The following LRP1B variants were observed in gnomAD, a reference collection of about 807,000 sequenced individuals.
The protein encoded by LRP1B is LDL receptor related protein 1B, also known as low-density lipoprotein receptor-related protein 1B.
A neutral mutation model predicts 556.6 loss-of-function variants in LRP1B; 217 were observed. The ratio of observed to expected loss-of-function variants is 0.39; its 90% CI spans 0.35 to 0.44. The LOEUF is 0.44. Ranked by LOEUF, LRP1B falls within the 20% of genes least tolerant of loss-of-function variation. The pLI is 1.00. For synonymous variants in LRP1B, 2,047 were observed against 1,865.8 expected (o/e 1.10, Z -2.50); for missense variants, 5,053 against 5,620.8 (o/e 0.90, Z 3.23).
At chr2:141,455,365 G>A (rs1484059617) in intron 3 of LRP1B, among the ~76,000 whole-genome samples, 1 of 152,096 alleles carries the variant, frequency 6.6e-6, no homozygotes, top group Non-Finnish European at 1.5e-5. Context: ...ATCACACCCA[G>A]AGGGCACAGA....
At chr2:140,259,220 G>A (rs780693260) in intron 86 of LRP1B, among the ~76,000 whole-genome samples, 2 of 152,036 alleles carry the variant, frequency 1.3e-5, no homozygotes, top group Non-Finnish European at 2.9e-5. Flanking sequence ...TTCAAAGGAC[G>A]GGGGATATAC....
At position 141,883,229 on chromosome 2, in the gene LRP1B, G is replaced by A. The variant is rs573144782; in HGVS notation, c.83-72828C>T. Among the ~76,000 whole-genome samples the A allele has an allele frequency of 1.7e-3, 259 of 152,188 alleles. 1 individual carries two copies. Among genetic ancestry groups the A allele is most frequent in the Non-Finnish European group, 1.7e-3 (119 of 68,014 alleles). On this transcript the variant is annotated intron_variant, in intron 1 of 90. Transcript: ENST00000389484. ...TTTTCTTTAGATTTTTTAGAAAAAC[G>A]TATTTTCATGTCAACAGCATGCAAT...
chr2:141,490,790 T>C (rs1376142577), intron 2 of LRP1B, among the ~76,000 whole-genome samples: 3 of 152,096 alleles, frequency 2.0e-5, no homozygotes, highest in African/African-American at 4.8e-5. Context: ...TTTTAGGTGT[T>C]TTAAATGCTC....
chr2:142,103,257 AAATT>A (rs1177362075), intron 1 of LRP1B, among the ~76,000 whole-genome samples: 1 of 151,990 alleles, frequency 6.6e-6, no homozygotes, highest in Admixed American at 6.6e-5. Flanking sequence ...TAATTTGTGT[AAATT>A]AATTTAGTAA....
rs35164907 is a variant in LRP1B at position 140,501,807 on chromosome 2, G to A, written c.8730C>T (p.Cys2910=). 0.25 allele frequency: 396,312 copies of A among 1,609,874 alleles called. 52,571 individuals carry two copies. Among genetic ancestry groups the A allele is most frequent in the Non-Finnish European group, 0.27 (320,747 of 1,177,402 alleles). ...NGRCIPSGGL[C]DNKDDCGDGS... ...CATCGCCACAGTCATCCTTATTGTCGCAAAGACCTCCACTGGGAATGCACC... is the reference window on the plus strand; with the variant it reads ...CATCGCCACAGTCATCCTTATTGTCACAAAGACCTCCACTGGGAATGCACC... Residue 2910 remains cysteine, a synonymous_variant, in exon 55 of 91, where the codon TGC becomes TGT. Transcript: ENST00000389484.
At position 141,123,468 on chromosome 2, in the gene LRP1B, ATAAT is replaced by A. The variant is rs566619549; in HGVS notation, c.1014-61199_1014-61196del. On this transcript the variant is annotated intron_variant, in intron 7 of 90. Coordinates refer to ENST00000389484, the MANE Select transcript of LRP1B (RefSeq NM_018557.3). The stretch of plus-strand genomic sequence containing the variant: ...CTGGTATCTGGTTAATTTTAGTTAG[ATAAT>A]TAATAAATATTTTAAAAGCATCTAT... Among the ~76,000 whole-genome samples the A allele has an allele frequency of 5.7e-3, 870 of 152,148 alleles. 6 individuals carry two copies. Among genetic ancestry groups the A allele is most frequent in the Non-Finnish European group, 4.8e-3 (327 of 67,982 alleles).
At chr2:140,921,165 A>T (rs1444520165) in intron 21 of LRP1B, among the ~76,000 whole-genome samples, 1 of 151,910 alleles carries the variant, frequency 6.6e-6, no homozygotes, top group Admixed American at 6.6e-5. Context: ...TTATTAATAC[A>T]TAGCTTTGAG....
At chr2:140,973,398 A>G (rs759000931) in intron 18 of LRP1B, among the ~76,000 whole-genome samples, 142 of 152,094 alleles carry the variant, frequency 9.3e-4, no homozygotes, top group Non-Finnish European at 1.6e-3. Context: ...GCAAAATTAC[A>G]AAAAAGTTAA....
intron 2 of LRP1B, 22 bp from the exon 3 acceptor site, chr2:141,480,555 C>T (rs780612840): frequency 6.2e-7 from 1 of 1,613,070 alleles, no homozygotes; most frequent in Non-Finnish European, 8.5e-7. Flanking sequence ...TAAAAAAGAA[C>T]AGAATTATGT....
chr2:141,936,693 C>G (rs538519748), intron 1 of LRP1B, among the ~76,000 whole-genome samples: 19 of 152,274 alleles, frequency 1.2e-4, no homozygotes, highest in African/African-American at 4.3e-4. Flanking sequence ...GTGGCTGCAG[C>G]ATTTTGTATT....
At chr2:141,566,230 A>G (rs1031038571) in intron 2 of LRP1B, among the ~76,000 whole-genome samples, 2 of 152,120 alleles carry the variant, frequency 1.3e-5, no homozygotes, top group African/African-American at 2.4e-5. Flanking sequence ...ACAACAACAA[A>G]AAAGGGCAGA....
chr2:140,791,916 T>C (rs1040522488), intron 32 of LRP1B, among the ~76,000 whole-genome samples: 5 of 152,208 alleles, frequency 3.3e-5, no homozygotes, highest in Non-Finnish European at 7.3e-5. Flanking sequence ...GCCTTCCTTT[T>C]TTCTACCTGA....
chr2:141,624,030 AT>A (rs1490077454), intron 2 of LRP1B, among the ~76,000 whole-genome samples: 7,744 of 31,234 alleles, frequency 0.25, 565 homozygotes, highest in Admixed American at 0.3. Flanking sequence ...AAAAAAAAAA[AT>A]TAAACAAAAA....
At chr2:140,330,952 CAT>C (rs538056205) in intron 79 of LRP1B, among the ~76,000 whole-genome samples, 8 of 152,072 alleles carry the variant, frequency 5.3e-5, no homozygotes, top group South Asian at 2.1e-4. Context: ...GGCCAACAAA[CAT>C]ATGAAAAAAA....
At chr2:140,465,742 A>G (rs1687520793) in intron 60 of LRP1B, among the ~76,000 whole-genome samples, 1 of 151,390 alleles carries the variant, frequency 6.6e-6, no homozygotes, top group African/African-American at 2.4e-5. Context: ...AAAGAAAAAA[A>G]CTCCCTAAAC....
At chr2:140,822,870 G>C (rs934860888) in intron 31 of LRP1B, among the ~76,000 whole-genome samples, 1 of 152,160 alleles carries the variant, frequency 6.6e-6, no homozygotes, top group Non-Finnish European at 1.5e-5. Flanking sequence ...TTTCATCATA[G>C]ACTACCTTCT....
At chr2:141,613,450 G>T (rs1447366387) in intron 2 of LRP1B, among the ~76,000 whole-genome samples, 2 of 152,098 alleles carry the variant, frequency 1.3e-5, no homozygotes, top group Admixed American at 1.3e-4. Context: ...CATTTTTATT[G>T]CTTGTTTATT....
rs570169727 is a variant in LRP1B at position 140,855,493 on chromosome 2, G to GGAAAAAAAA, written c.4580-3711_4580-3710insTTTTTTTTC. 1.4e-4 allele frequency among the ~76,000 whole-genome samples: 14 copies of GGAAAAAAAA among 99,402 alleles called. 2 individuals carry two copies. The highest frequency in any genetic ancestry group is 2.6e-4 in the East Asian group (1 of 3,880). 65.2% of individuals were successfully genotyped at this position (99,402 alleles called of 152,430 possible). A position where few individuals can be genotyped will look rare whatever the true frequency, so the allele number is the denominator to read the frequency against. On this transcript the variant is annotated intron_variant, in intron 27 of 90. Transcript: ENST00000389484. ...GACAGGTAGGTCCCATCTCTACTGG[G>GGAAAAAAAA]AAAAAAAAAAAATTTGAATGGCTTC...
At position 142,026,915 on chromosome 2, in the gene LRP1B, T is replaced by C. The variant is rs185685948; in HGVS notation, c.82+103733A>G. Among the ~76,000 whole-genome samples, 16 of 152,146 alleles carry C rather than the reference T, an allele frequency of 1.1e-4. No individual in the cohort carries two copies. The South Asian group carries it at 1.7e-3, about 16-fold the overall frequency. ...TCCTCCTCATAAGAAGAATTGCCTT[T>C]CTCCTATGACAAGGAAAGAGAAACA... On this transcript the variant is annotated intron_variant, in intron 1 of 90. Coordinates refer to ENST00000389484, the MANE Select transcript of LRP1B (RefSeq NM_018557.3).
Sources: gnomAD v4.1 joint callset for allele counts (sites outside exome capture counted in the v4.1 genomes callset) on GRCh38, gnomAD v4.1.1 for gene constraint, MANE v1.5 for transcripts, NCBI Gene and HGNC (gene_info 2026-07-23, HGNC 2026-07-21) for gene names.